SLC2A13: variants seen among roughly 807,000 people sequenced by gnomAD.
The protein encoded by SLC2A13 is proton myo-inositol cotransporter.
Under a neutral mutation model 64.4 loss-of-function variants are expected in SLC2A13, and 32 were observed. The observed-to-expected ratio is 0.50, with a 90% CI of 0.37 to 0.67. SLC2A13 has a LOEUF of 0.67. SLC2A13 is among the 30% of genes least tolerant of loss of function. SLC2A13 has a pLI of 0.00. For synonymous variants in SLC2A13, 338 were observed against 327.1 expected, an observed-to-expected ratio of 1.03 and a Z score of -0.36; for missense variants, 743 against 829.2, an observed-to-expected ratio of 0.90 and a Z score of 1.28.
At chr12:39,887,117 A>T (rs914770927) in intron 4 of SLC2A13, among the ~76,000 whole-genome samples, 24 of 152,350 alleles carry the variant, frequency 1.6e-4, no homozygotes, top group Non-Finnish European at 1.9e-4. Context: ...CACAGAACAA[A>T]ATGTAAACCC....
intron 7 of SLC2A13, among the ~76,000 whole-genome samples, chr12:39,786,739 A>G (rs1401406371): frequency 6.6e-6 from 1 of 152,184 alleles, no homozygotes; most frequent in Admixed American, 6.5e-5. Flanking sequence ...TGGTGGGTGA[A>G]TCATTCTCTG....
At chr12:39,878,043 T>C (rs1486987691) in intron 4 of SLC2A13, among the ~76,000 whole-genome samples, 2 of 152,196 alleles carry the variant, frequency 1.3e-5, no homozygotes, top group Non-Finnish European at 2.9e-5. Context: ...TGCTTCTCCT[T>C]TGCCTTCTGC....
At chr12:39,942,472 T>C (rs915519712) in intron 4 of SLC2A13, among the ~76,000 whole-genome samples, 1 of 152,178 alleles carries the variant, frequency 6.6e-6, no homozygotes, top group African/African-American at 2.4e-5. Flanking sequence ...TTTTTGCAGC[T>C]ATTGTAGAAG....
At chr12:39,933,667 C>T (rs1310406294) in intron 4 of SLC2A13, among the ~76,000 whole-genome samples, 1 of 152,050 alleles carries the variant, frequency 6.6e-6, no homozygotes, top group Non-Finnish European at 1.5e-5. Flanking sequence ...GGCTCCAGGC[C>T]GTTCAGGAAC....
intron 7 of SLC2A13, chr12:39,788,452 A>G (rs1044099190): frequency 2.0e-5 from 3 of 152,188 alleles, no homozygotes; most frequent in African/African-American, 2.4e-5. Context: ...TATACTGGAC[A>G]AAGGGATGAT....
At chr12:39,839,814 C>T (rs1161045627) in intron 6 of SLC2A13, among the ~76,000 whole-genome samples, 1 of 152,104 alleles carries the variant, frequency 6.6e-6, no homozygotes, top group Admixed American at 6.6e-5. Flanking sequence ...CAGAACTACA[C>T]TTCCAATTGC....
chr12:39,901,350 T>C (rs1415228428), intron 4 of SLC2A13, among the ~76,000 whole-genome samples: 1 of 151,360 alleles, frequency 6.6e-6, no homozygotes, highest in African/African-American at 2.4e-5. Context: ...TGGGATCTAA[T>C]TAAACTAAAG....
At chr12:39,937,113 TG>T (rs1945930568) in intron 4 of SLC2A13, among the ~76,000 whole-genome samples, 2 of 152,164 alleles carry the variant, frequency 1.3e-5, no homozygotes, top group African/African-American at 4.8e-5. Context: ...GGCCAAGTGA[TG>T]AGAGCCTGGA....
At chr12:39,976,110 C>G (rs112368084) in intron 3 of SLC2A13, among the ~76,000 whole-genome samples, 6 of 152,220 alleles carry the variant, frequency 3.9e-5, no homozygotes, top group Non-Finnish European at 7.3e-5. Context: ...TGAAAACAGA[C>G]AGCCCACCCT....
chr12:39,785,673 C>T (rs143322876), intron 7 of SLC2A13, among the ~76,000 whole-genome samples: 4,586 of 152,218 alleles, frequency 0.03, 239 homozygotes, highest in African/African-American at 0.11. Flanking sequence ...AGACACTCAA[C>T]GCCAGCCCGT....
chr12:39,942,455 T>G (rs1241237472), intron 4 of SLC2A13, among the ~76,000 whole-genome samples: 1 of 152,210 alleles, frequency 6.6e-6, no homozygotes, highest in Non-Finnish European at 1.5e-5. Context: ...TCTAAGTATT[T>G]TATATTTTTT....
chr12:39,902,359 A>T (rs529444299), intron 4 of SLC2A13, among the ~76,000 whole-genome samples: 63 of 151,748 alleles, frequency 4.2e-4, no homozygotes, highest in African/African-American at 1.5e-3. Flanking sequence ...AATAAAAATT[A>T]AAAAAAAGAA....
intron 4 of SLC2A13, among the ~76,000 whole-genome samples, chr12:39,925,002 T>C (rs1393313702): frequency 6.6e-6 from 1 of 150,770 alleles, no homozygotes; most frequent in Non-Finnish European, 1.5e-5. Context: ...GATGAATAAA[T>C]AGGTTAAGTG....
intron 7 of SLC2A13, among the ~76,000 whole-genome samples, chr12:39,814,341 T>C (rs1341521937): frequency 1.3e-5 from 2 of 152,188 alleles, no homozygotes; most frequent in Non-Finnish European, 2.9e-5. Flanking sequence ...CTTTGTACTG[T>C]TTTTAAAAAC....
At chr12:39,913,731 C>A (rs1167681257) in intron 4 of SLC2A13, among the ~76,000 whole-genome samples, 9 of 151,476 alleles carry the variant, frequency 5.9e-5, no homozygotes, top group Admixed American at 5.9e-4. Context: ...TGATATGTAA[C>A]TACTAACTGA....
Position 39,864,869 on chromosome 12 carries a change from T to G in SLC2A13, c.1212A>C (p.Ala404=), listed in dbSNP as rs148939733. ...CAAATCCCAAGGCAAGAATAATGAGTGCTACGGTGGTACCTTAAAAAAAAA... is the reference window on the plus strand; with the variant it reads ...CAAATCCCAAGGCAAGAATAATGAGGGCTACGGTGGTACCTTAAAAAAAAA... ...TFGSLAGTTV[A]LIILALGFVL... is the part of the protein sequence containing the mutation. The change falls in exon 6 of 10, where the codon GCA becomes GCC. Residue 404 remains alanine, a synonymous_variant. Transcript: ENST00000280871. 3 of 1,612,700 alleles carry G rather than the reference T, an allele frequency of 1.9e-6. No homozygotes were observed. Among genetic ancestry groups the G allele is most frequent in the Non-Finnish European group, 2.5e-6 (3 of 1,179,712 alleles).
intron 3 of SLC2A13, among the ~76,000 whole-genome samples, chr12:39,955,051 C>G (rs1436676171): frequency 2.6e-5 from 4 of 152,118 alleles, no homozygotes; most frequent in African/African-American, 9.7e-5. Context: ...CAAATAAGAG[C>G]AGGATATGCA....
chr12:39,857,605 C>A (rs1943641948), intron 6 of SLC2A13, among the ~76,000 whole-genome samples: 1 of 152,194 alleles, frequency 6.6e-6, no homozygotes, highest in East Asian at 1.9e-4. Flanking sequence ...CACTCTGCAG[C>A]CAGACTGATC....
At chr12:39,956,330 G>A (rs960245537) in intron 3 of SLC2A13, among the ~76,000 whole-genome samples, 1 of 152,216 alleles carries the variant, frequency 6.6e-6, no homozygotes, top group Non-Finnish European at 1.5e-5. Flanking sequence ...GGCACCAAGG[G>A]AAGTTCTGGG....
Sources: gnomAD v4.1 joint callset for allele counts (sites outside exome capture counted in the v4.1 genomes callset) on GRCh38, gnomAD v4.1.1 for gene constraint, MANE v1.5 for transcripts, NCBI Gene and HGNC (gene_info 2026-07-23, HGNC 2026-07-21) for gene names.